The following LRBA variants were observed in gnomAD, a reference collection of about 807,000 sequenced individuals.
The protein encoded by LRBA is LPS responsive beige-like anchor protein.
Under a neutral mutation model 330.0 loss-of-function variants are expected in LRBA, and 176 were observed. That is an observed-to-expected ratio of 0.53 (90% CI 0.47 to 0.60). The LOEUF (loss-of-function observed/expected upper bound fraction) is 0.60, where lower values mean the gene tolerates loss of function less well. LRBA is among the 20% of genes least tolerant of loss of function. The pLI is 0.00. For synonymous variants in LRBA, 1,230 were observed against 1,193.0 expected, an observed-to-expected ratio of 1.03 and a Z score of -0.64; for missense variants, 3,259 against 3,444.8, an observed-to-expected ratio of 0.95 and a Z score of 1.35.
intron 33 of LRBA, 37 bp downstream of exon 33, chr4:150,806,234 T>C (rs1361285274): frequency 7.0e-7 from 1 of 1,430,054 alleles, no homozygotes; most frequent in Non-Finnish European, 9.4e-7. Context: ...TCCTGAAATA[T>C]AAATACATAC....
intron 40 of LRBA, among the ~76,000 whole-genome samples, chr4:150,520,813 T>C (rs1762847242): frequency 6.6e-6 from 1 of 152,206 alleles, no homozygotes; most frequent in African/African-American, 2.4e-5. Flanking sequence ...AGGGTACCTA[T>C]GTACCTATTG....
chr4:150,742,389 C>T (rs917712795), intron 35 of LRBA, among the ~76,000 whole-genome samples: 1 of 151,968 alleles, frequency 6.6e-6, no homozygotes, highest in Non-Finnish European at 1.5e-5. Context: ...CTCAAGTGAT[C>T]CTCCTGCCTT....
intron 28 of LRBA, among the ~76,000 whole-genome samples, chr4:150,839,522 T>G (rs959773614): frequency 1.3e-5 from 2 of 152,014 alleles, no homozygotes; most frequent in East Asian, 3.9e-4. Flanking sequence ...ATTAAGAAAA[T>G]GTGGCACATA....
chr4:150,764,541 T>C lies in LRBA; in HGVS notation c.5581-2694A>G, dbSNP rs746386146. Among the ~76,000 whole-genome samples the C allele has an allele frequency of 2.5e-4, 38 of 151,968 alleles. 1 individual carries two copies. Among genetic ancestry groups the C allele is most frequent in the African/African-American group, 8.9e-4 (37 of 41,402 alleles). ...GGGATAAAATCATTTGTAAAAGACA[T>C]CTGATAAAGAATTGTGCAAAATATA... On this transcript the variant is annotated intron_variant, in intron 34 of 56. Coordinates refer to ENST00000651943, the MANE Select transcript of LRBA (RefSeq NM_001364905.1).
rs567140630 is a variant in LRBA, at chr4:150,616,588, T to C, written c.5922-17457A>G. Reference sequence around the variant, plus strand: ...ATTTATTTATTTAAAGACTAGTCAATGACTATTGGATTTAACAATATTGAT... The same window carrying C: ...ATTTATTTATTTAAAGACTAGTCAACGACTATTGGATTTAACAATATTGAT... On this transcript the variant is annotated intron_variant, in intron 37 of 56. Transcript: ENST00000651943. 3.3e-5 allele frequency among the ~76,000 whole-genome samples: 5 copies of C among 152,306 alleles called. No homozygotes were observed. The South Asian group carries it at 1.0e-3, about 32-fold the overall frequency.
chr4:150,388,540 A>T (rs1406058960), intron 47 of LRBA, among the ~76,000 whole-genome samples: 1 of 152,208 alleles, frequency 6.6e-6, no homozygotes, highest in African/African-American at 2.4e-5. Flanking sequence ...CCAGTTGTGA[A>T]CCTCTGAAGT....
chr4:150,694,459 T>TAAAAAAAAAAAAAAAAAAAAAAAAAA (rs1296371573), intron 36 of LRBA, among the ~76,000 whole-genome samples: 1 of 7,494 alleles, frequency 1.3e-4, no homozygotes, highest in African/African-American at 2.1e-4. Context: ...GTGTGATCTT[T>TAAAAAAAAAAAAAAAAAAAAAAAAAA]AACAAAAAAA....
Position 150,802,977 on chromosome 4 carries a change from G to A in LRBA, c.5518+3294C>T, listed in dbSNP as rs564716633. Among the ~76,000 whole-genome samples, 256 of 136,376 alleles carry A rather than the reference G, an allele frequency of 1.9e-3. 3 individuals are homozygous for A. The highest frequency in any genetic ancestry group is 6.8e-3 in the African/African-American group (243 of 35,590). 89.5% of individuals were successfully genotyped at this position (136,376 alleles called of 152,430 possible). A position where few individuals can be genotyped will look rare whatever the true frequency, so the allele number is the denominator to read the frequency against. On this transcript the variant is annotated intron_variant, in intron 33 of 56. Coordinates refer to ENST00000651943, the MANE Select transcript of LRBA (RefSeq NM_001364905.1). ...GCAGAGGTTGCAGTGAGCCAAGATC[G>A]CACCACTGCACTCCAGCCTGGGTGG...
At chr4:150,518,514 T>C (rs369827529) in intron 40 of LRBA, among the ~76,000 whole-genome samples, 11 of 152,208 alleles carry the variant, frequency 7.2e-5, no homozygotes, top group African/African-American at 2.7e-4. Context: ...TCCTTTCTTT[T>C]AGTTTCCAGA....
chr4:150,840,655 C>A, intron 28 of LRBA: 1 of 157,616 alleles, frequency 6.3e-6, no homozygotes, highest in South Asian at 1.8e-4. Context: ...ATCAGCATGA[C>A]AGATAAATAA....
At chr4:150,692,052 G>A (rs745582491) in intron 36 of LRBA, among the ~76,000 whole-genome samples, 33 of 152,136 alleles carry the variant, frequency 2.2e-4, no homozygotes, top group Non-Finnish European at 4.3e-4. Context: ...GACCACAGTG[G>A]ATCACAGGGG....
chr4:150,292,333 G>A (rs1728419348), intron 53 of LRBA, among the ~76,000 whole-genome samples: 1 of 152,200 alleles, frequency 6.6e-6, no homozygotes, highest in East Asian at 1.9e-4. Context: ...TATAAAAAGT[G>A]AATGAAGTTC....
At chr4:150,418,803 C>A (rs947000575) in intron 46 of LRBA, among the ~76,000 whole-genome samples, 4 of 152,098 alleles carry the variant, frequency 2.6e-5, no homozygotes, top group African/African-American at 9.7e-5. Flanking sequence ...AGGCATCTTT[C>A]TTTTCTGTCT....
At chr4:150,746,821 T>C (rs556405435) in intron 35 of LRBA, among the ~76,000 whole-genome samples, 84 of 152,304 alleles carry the variant, frequency 5.5e-4, no homozygotes, top group Non-Finnish European at 9.6e-4. Flanking sequence ...AAAGTTGTTT[T>C]TCTTTGTAAC....
rs113289564 is a variant in LRBA at position 150,365,149 on chromosome 4, C to T, written c.7195-14990G>A. Among the ~76,000 whole-genome samples, 932 of 151,988 alleles carry T rather than the reference C, an allele frequency of 6.1e-3. 9 individuals are homozygous for T. The highest frequency in any genetic ancestry group is 0.021 in the African/African-American group (886 of 41,420). ...TTCAGCCTCCCAAGTAGCTGGACTA[C>T]AAGCATGCCACCACACCCGGCGAAT... On this transcript the variant is annotated intron_variant, in intron 47 of 56. Transcript: ENST00000651943.
intron 15 of LRBA, 114 bp from the exon 16 acceptor site, chr4:150,896,570 G>A (rs1730111531): frequency 1.9e-6 from 1 of 539,644 alleles, no homozygotes; most frequent in Admixed American, 3.6e-5. Flanking sequence ...AAAATATAAT[G>A]TAATAGACAA....
intron 24 of LRBA, 149 bp downstream of exon 24, chr4:150,850,575 A>T (rs1304108621): frequency 4.4e-6 from 2 of 450,116 alleles, no homozygotes; most frequent in Non-Finnish European, 3.8e-6. Flanking sequence ...GGAGAATAAA[A>T]GTGAATTCAG....
intron 37 of LRBA, among the ~76,000 whole-genome samples, chr4:150,650,386 T>C (rs1462449127): frequency 6.6e-6 from 1 of 152,194 alleles, no homozygotes; most frequent in Non-Finnish European, 1.5e-5. Flanking sequence ...AAGAAAACAT[T>C]CTATTTTTTC....
At chr4:150,601,095 T>C (rs927971738) in intron 37 of LRBA, among the ~76,000 whole-genome samples, 3 of 152,176 alleles carry the variant, frequency 2.0e-5, no homozygotes, top group African/African-American at 4.8e-5. Flanking sequence ...CACAAACATA[T>C]GACGATGTAA....
Sources: allele counts gnomAD v4.1 joint callset (sites outside exome capture counted in the v4.1 genomes callset), GRCh38; gene constraint gnomAD v4.1.1; transcripts MANE v1.5; gene names NCBI Gene and HGNC (gene_info 2026-07-23, HGNC 2026-07-21).